Variants in TEX15 observed in about 807,000 individuals in gnomAD.
The protein encoded by TEX15 is testis expressed 15, meiosis and synapsis associated.
Under a neutral mutation model 237.3 loss-of-function variants are expected in TEX15, and 171 were observed. That is an observed-to-expected ratio of 0.72 (90% CI 0.64 to 0.82). The LOEUF is 0.82. Among genes scored for constraint, TEX15 ranks in the 40% least tolerant of loss-of-function variants. TEX15 has a pLI of 0.00. For synonymous variants in TEX15, 1,338 were observed against 1,269.8 expected (o/e 1.05, Z -1.14); for missense variants, 3,750 against 3,646.5 (o/e 1.03, Z -0.73).
intron 1 of TEX15, among the ~76,000 whole-genome samples, chr8:30,910,502 T>G (rs1333624309): frequency 3.9e-5 from 6 of 152,018 alleles, no homozygotes; most frequent in African/African-American, 1.5e-4. Context: ...AGGACTGCAA[T>G]GATGTGATCA....
chr8:30,879,138 T>TA (rs1031523383), intron 3 of TEX15, among the ~76,000 whole-genome samples: 13 of 152,222 alleles, frequency 8.5e-5, no homozygotes, highest in South Asian at 4.2e-4. Flanking sequence ...TTTTTTTTTT[T>TA]ACCTACTGAA....
In TEX15 at chr8:30,904,264, C is replaced by T. The variant is rs909253038; in HGVS notation, c.-85-5447G>A. On this transcript the variant is annotated intron_variant, in intron 1 of 10. Transcript: ENST00000643185. ...GAGTTTGAGACCAGCCTGGCCAACACGGGGAAACCCCATCTCTACCAAAAA... is the reference window on the plus strand; with the variant it reads ...GAGTTTGAGACCAGCCTGGCCAACATGGGGAAACCCCATCTCTACCAAAAA... Among the ~76,000 whole-genome samples, 24 of 152,086 alleles carry T rather than the reference C, an allele frequency of 1.6e-4. No homozygotes were observed. In the East Asian group the frequency reaches 2.7e-3, roughly 17 times the overall value.
At chr8:30,869,723 C>T (rs1452036842) in intron 4 of TEX15, among the ~76,000 whole-genome samples, 7 of 151,984 alleles carry the variant, frequency 4.6e-5, no homozygotes, top group Non-Finnish European at 2.9e-5. Flanking sequence ...CCTCCTATCT[C>T]CTTGTGAGTC....
intron 7 of TEX15, among the ~76,000 whole-genome samples, chr8:30,855,826 C>T (rs913333488): frequency 2.0e-5 from 3 of 152,022 alleles, no homozygotes; most frequent in Non-Finnish European, 2.9e-5. Flanking sequence ...AGAAATCAGG[C>T]GCAAAAAAGT....
Position 30,843,603 on chromosome 8 carries a change from A to G in TEX15, c.6564T>C (p.Asp2188=). The part of the protein sequence containing the change: ...AIMEHCSDCF[D]FSLSVPFTCG... ...AGGTAAATGGAACAGAAAGAGAAAA[A>G]TCAAAGCAATCGGAACAATGCTCCA... Residue 2188 remains aspartate, a synonymous_variant, in exon 8 of 11, where the codon GAT becomes GAC. Transcript: ENST00000643185. 1 of 1,612,960 alleles carries G rather than the reference A, an allele frequency of 6.2e-7. No homozygotes were observed. Among genetic ancestry groups the G allele is most frequent in the South Asian group, 1.1e-5 (1 of 91,046 alleles).
chr8:30,876,580 T>C (rs1808404104), intron 3 of TEX15, among the ~76,000 whole-genome samples: 1 of 152,168 alleles, frequency 6.6e-6, no homozygotes, highest in Admixed American at 6.5e-5. Flanking sequence ...ATGTACAGAT[T>C]GGCAAGTTTC....
intron 3 of TEX15, among the ~76,000 whole-genome samples, chr8:30,880,191 G>C (rs779535880): frequency 1.2e-4 from 18 of 149,646 alleles, no homozygotes; most frequent in Non-Finnish European, 2.2e-4. Context: ...ACCACGCCTA[G>C]CTAATTTTTT....
rs200736884 is a variant in TEX15 at position 30,848,351 on chromosome 8, T to C, written c.1816A>G (p.Lys606Glu). Residue 606 changes from lysine (K) to glutamate (E), a missense_variant, in exon 8 of 11, where the codon AAA becomes GAA. Coordinates refer to ENST00000643185, the MANE Select transcript of TEX15 (RefSeq NM_001350162.2). ...GCQTSTVFPL[K>E]KKVSIDEYLQ... ...TATTCATCAATGCTTACTTTCTTTTTGAGTGGAAAAACTGTAGACGTTTGG... is the reference window on the plus strand; with the variant it reads ...TATTCATCAATGCTTACTTTCTTTTCGAGTGGAAAAACTGTAGACGTTTGG... 1 of 1,614,154 alleles carries C rather than the reference T, an allele frequency of 6.2e-7. No individual in the cohort carries two copies. The highest frequency in any genetic ancestry group is 1.1e-5 in the South Asian group (1 of 91,078).
At chr8:30,859,281 G>T (rs1807984628) in intron 6 of TEX15, among the ~76,000 whole-genome samples, 1 of 151,784 alleles carries the variant, frequency 6.6e-6, no homozygotes, top group Non-Finnish European at 1.5e-5. Flanking sequence ...AAAATTAAAG[G>T]TCCACAGAAT....
chr8:30,861,642 C>A (rs1808052845), intron 5 of TEX15, among the ~76,000 whole-genome samples: 1 of 152,076 alleles, frequency 6.6e-6, no homozygotes, highest in Non-Finnish European at 1.5e-5. Context: ...ATGTTAACAT[C>A]AGAAGAAGCT....
At chr8:30,865,559 T>A (rs549777098) in intron 5 of TEX15, among the ~76,000 whole-genome samples, 7 of 152,212 alleles carry the variant, frequency 4.6e-5, no homozygotes, top group South Asian at 2.1e-4. Flanking sequence ...AACAAAAGAT[T>A]AGCAAACTGA....
rs139986860 is a variant in TEX15 at position 30,845,883 on chromosome 8, G to A, written c.4284C>T (p.Asp1428=). ...GAGACACAGAACTATAACCTTGAAG[G>A]TCACAACTTTCCCAGAAATTATTGC... The part of the protein sequence containing the change: ...IICNNFWESC[D]LQGYSSVSQR... Residue 1428 remains aspartate (D), a synonymous_variant, in exon 8 of 11, where the codon GAC becomes GAT. Coordinates refer to ENST00000643185, the MANE Select transcript of TEX15 (RefSeq NM_001350162.2). 3 of 1,613,030 alleles carry A rather than the reference G, an allele frequency of 1.9e-6. No homozygotes were observed. The highest frequency in any genetic ancestry group is 2.5e-6 in the Non-Finnish European group (3 of 1,179,598).
chr8:30,861,442 T>A (rs1257215341), intron 5 of TEX15, among the ~76,000 whole-genome samples: 1 of 152,162 alleles, frequency 6.6e-6, no homozygotes, highest in African/African-American at 2.4e-5. Flanking sequence ...ACTGTTATTT[T>A]AAATAGATTA....
chr8:30,902,705 G>C (rs1809030631), intron 1 of TEX15, among the ~76,000 whole-genome samples: 1 of 152,200 alleles, frequency 6.6e-6, no homozygotes, highest in Non-Finnish European at 1.5e-5. Flanking sequence ...GAATCACCTA[G>C]AGGGCTTATT....
At chr8:30,894,048 T>C (rs1017997582) in intron 2 of TEX15, among the ~76,000 whole-genome samples, 1 of 152,210 alleles carries the variant, frequency 6.6e-6, no homozygotes, top group African/African-American at 2.4e-5. Context: ...CTAATCTGCT[T>C]CTAGTCCATT....
At chr8:30,875,404 T>C (rs1808379727) in intron 3 of TEX15, among the ~76,000 whole-genome samples, 1 of 152,226 alleles carries the variant, frequency 6.6e-6, no homozygotes, top group African/African-American at 2.4e-5. Context: ...GACTGTACAA[T>C]GCACATCATT....
chr8:30,871,731 G>A (rs970154717), intron 4 of TEX15, among the ~76,000 whole-genome samples: 1 of 152,022 alleles, frequency 6.6e-6, no homozygotes, highest in Non-Finnish European at 1.5e-5. Flanking sequence ...ACCTCACAAG[G>A]AGGGAACAAC....
At position 30,846,355 on chromosome 8, in the gene TEX15, A is replaced by G; in HGVS notation, c.3812T>C (p.Ile1271Thr). Residue 1271 changes from isoleucine (I) to threonine (T), a missense_variant, in exon 8 of 11, where the codon ATA becomes ACA. Ile to Thr is a moderately conservative substitution (Grantham distance 89). Coordinates refer to ENST00000643185, the MANE Select transcript of TEX15 (RefSeq NM_001350162.2). Reference protein sequence around the residue: ...LFTEPSNVTTIDDGSRCFFTK... With the variant: ...LFTEPSNVTTTDDGSRCFFTK... ...AAAGAAACATCTGCTTCCATCATCT[A>G]TTGTTGTGACATTAGAAGGTTCAGT... The G allele has an allele frequency of 1.2e-6, 2 of 1,613,210 alleles. No individual in the cohort carries two copies. The highest frequency in any genetic ancestry group is 2.2e-5 in the South Asian group (2 of 91,014).
At chr8:30,854,082 T>G (rs929122366) in intron 7 of TEX15, among the ~76,000 whole-genome samples, 1 of 151,752 alleles carries the variant, frequency 6.6e-6, no homozygotes, top group Non-Finnish European at 1.5e-5. Context: ...ACCTTCCATC[T>G]TAAGACACAC....
Sources: allele counts gnomAD v4.1 joint callset (sites outside exome capture counted in the v4.1 genomes callset), GRCh38; gene constraint gnomAD v4.1.1; transcripts MANE v1.5; gene names NCBI Gene and HGNC (gene_info 2026-07-23, HGNC 2026-07-21).